RFX6: variants seen among roughly 807,000 people sequenced by gnomAD.
RFX6 encodes the protein regulatory factor X6.
Under a neutral mutation model 110.8 loss-of-function variants are expected in RFX6, and 50 were observed. The ratio of observed to expected loss-of-function variants is 0.45; its 90% CI spans 0.36 to 0.57. The LOEUF is 0.57. Ranked by LOEUF, RFX6 falls within the 20% of genes least tolerant of loss-of-function variation. The pLI, the probability that RFX6 is intolerant of heterozygous loss-of-function variation, is 0.00. For synonymous variants in RFX6, 383 were observed against 411.2 expected (o/e 0.93, Z 0.83); for missense variants, 990 against 1,127.0 (o/e 0.88, Z 1.74).
chr6:116,892,604 G>C (rs1199331201), intron 4 of RFX6, among the ~76,000 whole-genome samples: 2 of 152,144 alleles, frequency 1.3e-5, no homozygotes, highest in Admixed American at 6.5e-5. Context: ...AGTGAACAAA[G>C]GAGCCAGAGC....
intron 6 of RFX6, among the ~76,000 whole-genome samples, chr6:116,908,475 C>T (rs1775257183): frequency 6.6e-6 from 1 of 152,000 alleles, no homozygotes; most frequent in South Asian, 2.1e-4. Flanking sequence ...GGTACTTAAT[C>T]TGTCATTACT....
In RFX6 at chr6:116,928,653, C is replaced by G. The variant is rs1415660859; in HGVS notation, c.2399-106C>G. On this transcript the variant is annotated intron_variant, in intron 17 of 18. Transcript: ENST00000332958. Reference sequence around the variant, plus strand: ...TGTATAGATACACATGTAATACTTACAGTTTGATATCTTTAGGACGTCACC... The same window carrying G: ...TGTATAGATACACATGTAATACTTAGAGTTTGATATCTTTAGGACGTCACC... 15 of 772,956 alleles carry G rather than the reference C, an allele frequency of 1.9e-5. No homozygotes were observed. In the East Asian group the frequency reaches 3.8e-4, roughly 19 times the overall value. 47.9% of individuals were successfully genotyped at this position (772,956 alleles called of 1,614,324 possible). A position where few individuals can be genotyped will look rare whatever the true frequency, so the allele number is the denominator to read the frequency against.
intron 4 of RFX6, among the ~76,000 whole-genome samples, chr6:116,887,361 A>C (rs990813861): frequency 2.0e-5 from 3 of 152,178 alleles, no homozygotes; most frequent in African/African-American, 7.2e-5. Context: ...TTAGCAGCTC[A>C]GCTCTCTATC....
chr6:116,887,205 T>C (rs1421753968), intron 4 of RFX6, among the ~76,000 whole-genome samples: 1 of 152,096 alleles, frequency 6.6e-6, no homozygotes, highest in Non-Finnish European at 1.5e-5. Context: ...CAGTGGCAAG[T>C]TCAACATTCC....
At chr6:116,907,837 C>T (rs1171005246) in intron 6 of RFX6, among the ~76,000 whole-genome samples, 3 of 152,048 alleles carry the variant, frequency 2.0e-5, no homozygotes, top group African/African-American at 7.2e-5. Flanking sequence ...AAGTCTCCAA[C>T]AATTATTGTA....
At chr6:116,889,407 T>G (rs1774771727) in intron 4 of RFX6, among the ~76,000 whole-genome samples, 1 of 152,048 alleles carries the variant, frequency 6.6e-6, no homozygotes, top group African/African-American at 2.4e-5. Flanking sequence ...TAGGGTTTAG[T>G]ATGGGAGGTA....
At chr6:116,887,896 T>C (rs1774734432) in intron 4 of RFX6, among the ~76,000 whole-genome samples, 2 of 152,314 alleles carry the variant, frequency 1.3e-5, no homozygotes, top group South Asian at 4.1e-4. Context: ...AGAACATAAT[T>C]GAGCCCACAA....
chr6:116,906,305 C>A (rs1340069594), intron 6 of RFX6, among the ~76,000 whole-genome samples: 1 of 152,142 alleles, frequency 6.6e-6, no homozygotes, highest in African/African-American at 2.4e-5. Context: ...AGGAAGTCTT[C>A]TCTGACTTTG....
In RFX6 at chr6:116,927,346, T is replaced by G; in HGVS notation, c.2205T>G (p.Leu735=). 6.2e-7 allele frequency: 1 copy of G among 1,613,910 alleles called. No homozygotes were observed. The highest frequency in any genetic ancestry group is 8.5e-7 in the Non-Finnish European group (1 of 1,179,774). The change falls in exon 17 of 19, where the codon CTT becomes CTG. Residue 735 remains leucine (L), a synonymous_variant. Coordinates refer to ENST00000332958, the MANE Select transcript of RFX6 (RefSeq NM_173560.4). Reference sequence around the variant, plus strand: ...GCATGGCTTGGACTGAACAGCAGCTTTCAAGAGACTTCTTCAGTGGCAGCT... The same window carrying G: ...GCATGGCTTGGACTGAACAGCAGCTGTCAAGAGACTTCTTCAGTGGCAGCT... The part of the protein sequence containing the change: ...GRCMAWTEQQ[L]SRDFFSGSCA...
At chr6:116,881,718 G>C (rs1774593649) in intron 3 of RFX6, among the ~76,000 whole-genome samples, 1 of 151,968 alleles carries the variant, frequency 6.6e-6, no homozygotes, top group African/African-American at 2.4e-5. Context: ...ATTCTTAACT[G>C]TTTGGCAGTC....
intron 13 of RFX6, 89 bp downstream of exon 13, chr6:116,922,240 G>T (rs1259179314): frequency 4.0e-6 from 3 of 752,578 alleles, no homozygotes; most frequent in African/African-American, 3.5e-5. Context: ...GGGGAGAGGG[G>T]TGGAAGGCTG....
chr6:116,909,658 GATTA>G (rs1448501901), intron 6 of RFX6, among the ~76,000 whole-genome samples: 1 of 140,154 alleles, frequency 7.1e-6, no homozygotes, highest in East Asian at 2.2e-4. Flanking sequence ...CTTGAAAAGA[GATTA>G]ATAAAGTAAA....
intron 17 of RFX6, 81 bp downstream of exon 17, chr6:116,927,620 A>C: frequency 8.8e-7 from 1 of 1,133,636 alleles, no homozygotes; most frequent in Admixed American, 1.8e-5. Flanking sequence ...ACCTCTGCTG[A>C]CTAGCATGTC....
intron 6 of RFX6, among the ~76,000 whole-genome samples, chr6:116,903,659 ATTGT>A (rs1423581223): frequency 7.4e-6 from 1 of 135,132 alleles, no homozygotes; most frequent in Non-Finnish European, 1.7e-5. Context: ...TCAACAACAT[ATTGT>A]TTATTATTTG....
At chr6:116,880,482 A>G (rs1774565753) in intron 2 of RFX6, 62 bp from the exon 3 acceptor site, 10 of 1,509,362 alleles carry the variant, frequency 6.6e-6, no homozygotes, top group Non-Finnish European at 9.1e-6. Flanking sequence ...TAATAAGTCA[A>G]TGAGAAAGTT....
intron 16 of RFX6, among the ~76,000 whole-genome samples, chr6:116,925,909 A>C (rs556820006): frequency 2.0e-5 from 3 of 152,202 alleles, no homozygotes; most frequent in Non-Finnish European, 2.9e-5. Flanking sequence ...TAGTTAATTT[A>C]GTGGAAGAAA....
chr6:116,880,746 G>A lies in RFX6; in HGVS notation c.504+79G>A, dbSNP rs754657962. On this transcript the variant is annotated intron_variant, in intron 3 of 18. Transcript: ENST00000332958. The stretch of plus-strand genomic sequence containing the variant: ...ATAGCATGAAAATGAATTCATCTGT[G>A]CAAGTTCTCTTAGAGAATATTGAGA... 4.1e-6 allele frequency: 6 copies of A among 1,478,204 alleles called. 1 individual carries two copies. The East Asian group carries it at 6.8e-5, about 17-fold the overall frequency. The allele number at this position is 1,478,204 out of a possible 1,614,324, so 91.6% of individuals were successfully genotyped here.
In RFX6 at chr6:116,931,438, A is replaced by C; in HGVS notation, c.2719A>C (p.Arg907=). 1 of 1,613,290 alleles carries C rather than the reference A, an allele frequency of 6.2e-7. No individual in the cohort carries two copies. Among genetic ancestry groups the C allele is most frequent in the East Asian group, 2.2e-5 (1 of 44,864 alleles). Residue 907 remains arginine, a synonymous_variant, in exon 19 of 19, where the codon AGA becomes CGA. Coordinates refer to ENST00000332958, the MANE Select transcript of RFX6 (RefSeq NM_173560.4). ...ETLDSHGTSS[R]EMVSSLPPIN... ...CCTGGACTCCCATGGAACAAGCAGTAGAGAAATGGTGTCCTCTTTACCACC... is the reference window on the plus strand; with the variant it reads ...CCTGGACTCCCATGGAACAAGCAGTCGAGAAATGGTGTCCTCTTTACCACC...
chr6:116,888,764 T>G (rs145869022), intron 4 of RFX6, among the ~76,000 whole-genome samples: 1 of 152,156 alleles, frequency 6.6e-6, no homozygotes, highest in Non-Finnish European at 1.5e-5. Flanking sequence ...ACAGTATGCA[T>G]GGTAAATACT....
Sources: gnomAD v4.1 joint callset for allele counts (sites outside exome capture counted in the v4.1 genomes callset) on GRCh38, gnomAD v4.1.1 for gene constraint, MANE v1.5 for transcripts, NCBI Gene and HGNC (gene_info 2026-07-23, HGNC 2026-07-21) for gene names.